NAALADL2: variants seen among roughly 807,000 people sequenced by gnomAD.
The protein encoded by NAALADL2 is N-acetylated alpha-linked acidic dipeptidase like 2.
Under a neutral mutation model 87.2 loss-of-function variants are expected in NAALADL2, and 76 were observed. That is an observed-to-expected ratio of 0.87 (90% CI 0.72 to 1.05). NAALADL2 has a LOEUF of 1.05. Ranked by LOEUF, NAALADL2 falls within the 50% of genes least tolerant of loss-of-function variation. The probability of loss-of-function intolerance (pLI) is 0.00; values close to 1 mark genes in which losing one functional copy is unlikely to be tolerated. For missense variants in NAALADL2, 1,089 were observed against 945.8 expected, an observed-to-expected ratio of 1.15 and a Z score of -1.99; for synonymous variants, 354 against 331.0, an observed-to-expected ratio of 1.07 and a Z score of -0.75.
chr3:174,690,848 C>G (rs1180197090), intron 2 of NAALADL2, among the ~76,000 whole-genome samples: 1 of 152,094 alleles, frequency 6.6e-6, no homozygotes, highest in Non-Finnish European at 1.5e-5. Context: ...ATAATTGATG[C>G]TCTAAATGGG....
intron 4 of NAALADL2, chr3:175,256,986 C>A (rs997096589): frequency 2.6e-5 from 4 of 151,896 alleles, no homozygotes; most frequent in African/African-American, 9.7e-5. Context: ...ATTATTTTGT[C>A]AACTATACAA....
At chr3:175,704,057 G>A (rs6773175) in intron 11 of NAALADL2, among the ~76,000 whole-genome samples, 21,495 of 152,012 alleles carry the variant, frequency 0.14, 1,697 homozygotes, top group Non-Finnish European at 0.18. Context: ...ATGACTAGTG[G>A]CTCTGCGAGG....
chr3:174,789,802 A>G (rs553795779), intron 3 of NAALADL2, among the ~76,000 whole-genome samples: 2 of 152,320 alleles, frequency 1.3e-5, no homozygotes, highest in South Asian at 2.1e-4. Flanking sequence ...GAAGTAAACC[A>G]TGGAATCTGT....
chr3:175,376,010 A>G (rs1173056876), intron 5 of NAALADL2, among the ~76,000 whole-genome samples: 2 of 152,130 alleles, frequency 1.3e-5, no homozygotes, highest in Non-Finnish European at 2.9e-5. Flanking sequence ...TATTTCATAT[A>G]TAATGTAAAA....
intron 2 of NAALADL2, among the ~76,000 whole-genome samples, chr3:175,197,730 A>G (rs1739229122): frequency 6.6e-6 from 1 of 152,084 alleles, no homozygotes; most frequent in African/African-American, 2.4e-5. Context: ...CTGACATCAG[A>G]AACAGACTGT....
At chr3:175,632,358 A>G (rs1158838002) in intron 11 of NAALADL2, among the ~76,000 whole-genome samples, 1 of 149,628 alleles carries the variant, frequency 6.7e-6, no homozygotes, top group Non-Finnish European at 1.5e-5. Flanking sequence ...ACCTTCTGCC[A>G]AGATTGTAAG....
intron 5 of NAALADL2, among the ~76,000 whole-genome samples, chr3:175,396,488 G>A (rs1769803178): frequency 6.6e-6 from 1 of 151,898 alleles, no homozygotes; most frequent in Non-Finnish European, 1.5e-5. Flanking sequence ...ATTTCCACTG[G>A]GACCTACAGT....
chr3:174,644,341 A>G (rs1320385136), intron 2 of NAALADL2, among the ~76,000 whole-genome samples: 1 of 152,208 alleles, frequency 6.6e-6, no homozygotes, highest in Non-Finnish European at 1.5e-5. Context: ...TGGCTAAAGA[A>G]TAGAAAATAT....
intron 1 of NAALADL2, among the ~76,000 whole-genome samples, chr3:174,546,857 T>TC (rs1722792835): frequency 1.3e-5 from 2 of 152,102 alleles, no homozygotes; most frequent in Admixed American, 1.3e-4. Flanking sequence ...GGGGTTTCAC[T>TC]ATGTTGTCTA....
intron 12 of NAALADL2, among the ~76,000 whole-genome samples, chr3:175,753,957 TGCCA>T (rs1559974852): frequency 6.6e-6 from 1 of 152,204 alleles, no homozygotes; most frequent in Non-Finnish European, 1.5e-5. Flanking sequence ...TGTAGTGATA[TGCCA>T]GCCTTGTTGA....
intron 1 of NAALADL2, among the ~76,000 whole-genome samples, chr3:174,871,899 A>AAAATAAAT (rs3884085): frequency 0.027 from 4,165 of 151,720 alleles, 186 homozygotes; most frequent in African/African-American, 0.096. Context: ...ACTCTGTTTC[A>AAAATAAAT]AAATAAATAA....
At chr3:175,139,329 GAAA>G (rs1409423592) in intron 2 of NAALADL2, among the ~76,000 whole-genome samples, 1 of 151,668 alleles carries the variant, frequency 6.6e-6, no homozygotes, top group South Asian at 2.1e-4. Context: ...GTGATTCATT[GAAA>G]AAAAGAAGTT....
At chr3:174,705,470 G>C (rs535666337) in intron 2 of NAALADL2, among the ~76,000 whole-genome samples, 1 of 152,130 alleles carries the variant, frequency 6.6e-6, no homozygotes, top group Non-Finnish European at 1.5e-5. Context: ...CATTACCCAT[G>C]AAAGAAATAT....
chr3:175,057,786 T>G (rs1280234939), intron 1 of NAALADL2, among the ~76,000 whole-genome samples: 1 of 152,202 alleles, frequency 6.6e-6, no homozygotes, highest in Non-Finnish European at 1.5e-5. Context: ...ATCAATGACT[T>G]CAATGTAAAC....
At chr3:174,941,370 A>G (rs1273030919) in intron 1 of NAALADL2, among the ~76,000 whole-genome samples, 1 of 152,024 alleles carries the variant, frequency 6.6e-6, no homozygotes, top group Non-Finnish European at 1.5e-5. Context: ...TGTGTTTGGT[A>G]TGATTGCAGT....
intron 13 of NAALADL2, among the ~76,000 whole-genome samples, chr3:175,802,181 CATTG>C (rs1490217119): frequency 1.3e-5 from 2 of 151,930 alleles, no homozygotes; most frequent in Admixed American, 1.3e-4. Flanking sequence ...TTTTAGAAAA[CATTG>C]ATGATACCAT....
intron 4 of NAALADL2, among the ~76,000 whole-genome samples, chr3:175,322,727 AC>A (rs1249409143): frequency 6.7e-6 from 1 of 148,162 alleles, no homozygotes; most frequent in East Asian, 2.0e-4. Context: ...GCCAAAAAAC[AC>A]ATGAAAAAAT....
intron 2 of NAALADL2, among the ~76,000 whole-genome samples, chr3:174,637,628 TTAAA>T (rs1359044745): frequency 6.6e-6 from 1 of 152,086 alleles, no homozygotes; most frequent in Non-Finnish European, 1.5e-5. Context: ...AGGAGAACAG[TTAAA>T]TAATGGAAAG....
At chr3:174,792,263 A>AGAAG (rs1374332972) in intron 3 of NAALADL2, among the ~76,000 whole-genome samples, 2 of 146,662 alleles carry the variant, frequency 1.4e-5, no homozygotes, top group African/African-American at 4.9e-5. Context: ...GAGGAAGGAA[A>AGAAG]GAAGGAAGGA....
Sources: gnomAD v4.1 joint callset for allele counts (sites outside exome capture counted in the v4.1 genomes callset) on GRCh38, gnomAD v4.1.1 for gene constraint, MANE v1.5 for transcripts, NCBI Gene and HGNC (gene_info 2026-07-23, HGNC 2026-07-21) for gene names.